Variants in MZF1 observed in about 807,000 individuals in gnomAD.
The protein encoded by MZF1 is myeloid zinc finger 1.
In MZF1, 24 loss-of-function variants were observed where a neutral mutation model predicts 28.6. The observed-to-expected ratio is 0.84, with a 90% CI of 0.61 to 1.18. The LOEUF (loss-of-function observed/expected upper bound fraction) is 1.18, where lower values mean the gene tolerates loss of function less well. Ranked by LOEUF, MZF1 falls within the 50% of genes most tolerant of loss-of-function variation. MZF1 has a pLI of 0.00. For synonymous variants in MZF1, 516 were observed against 432.5 expected, an observed-to-expected ratio of 1.19 and a Z score of -2.40; for missense variants, 1,166 against 1,026.4, an observed-to-expected ratio of 1.14 and a Z score of -1.86.
At chr19:58,563,542 G>A in intron 5 of MZF1, 38 bp from the exon 6 acceptor site, 2 of 1,462,244 alleles carry the variant, frequency 1.4e-6, no homozygotes, top group Non-Finnish European at 1.8e-6. Flanking sequence ...ATGACAGAAT[G>A]CCCACCGTGC....
chr19:58,570,924 G>C, intron 2 of MZF1, 70 bp downstream of exon 2: 1 of 1,487,474 alleles, frequency 6.7e-7, no homozygotes, highest in South Asian at 1.3e-5. Context: ...GCAAAGCGTG[G>C]TGCTGCCCAG....
chr19:58,571,344 C>T lies in MZF1; in HGVS notation c.46G>A (p.Asp16Asn), dbSNP rs756656050. 3.7e-6 allele frequency: 6 copies of T among 1,614,208 alleles called. No homozygotes were observed. Among genetic ancestry groups the T allele is most frequent in the South Asian group, 1.1e-5 (1 of 91,084 alleles). ...LGSPDRAPPEDEGPVMVKLED... is the reference protein window; with the variant it reads ...LGSPDRAPPENEGPVMVKLED... Reference sequence around the variant, plus strand: ...AGCTTCACCATGACAGGCCCCTCATCTTCTGGGGGTGCTCGGTCTGGGGAG... The same window carrying T: ...AGCTTCACCATGACAGGCCCCTCATTTTCTGGGGGTGCTCGGTCTGGGGAG... The change falls in exon 2 of 6, where the codon GAT (aspartate) becomes AAT (asparagine). Residue 16 changes from aspartate to asparagine, a missense_variant. Coordinates refer to ENST00000215057, the MANE Select transcript of MZF1 (RefSeq NM_198055.2).
chr19:58,570,920 C>T (rs893466209), intron 2 of MZF1, 74 bp downstream of exon 2: 17 of 1,466,806 alleles, frequency 1.2e-5, no homozygotes, highest in African/African-American at 5.6e-5. Context: ...TCTGGCAAAG[C>T]GTGGTGCTGC....
In MZF1 at chr19:58,562,391, T is replaced by G. The variant is rs1568674618; in HGVS notation, c.1886A>C (p.Glu629Ala). 1 of 1,609,582 alleles carries G rather than the reference T, an allele frequency of 6.2e-7. No individual in the cohort carries two copies. Among genetic ancestry groups the G allele is most frequent in the Non-Finnish European group, 8.5e-7 (1 of 1,178,410 alleles). Reference protein sequence around the residue: ...HTGEKPYHCGECGLGFTQVSR... With the variant: ...HTGEKPYHCGACGLGFTQVSR... Reference sequence around the variant, plus strand: ...GACCTGCGTGAAGCCCAGGCCGCACTCACCGCAGTGGTAGGGCTTTTCGCC... The same window carrying G: ...GACCTGCGTGAAGCCCAGGCCGCACGCACCGCAGTGGTAGGGCTTTTCGCC... The change falls in exon 6 of 6, where the codon GAG (glutamate) becomes GCG (alanine). Residue 629 changes from glutamate (E) to alanine (A), a missense_variant. Coordinates refer to ENST00000215057, the MANE Select transcript of MZF1 (RefSeq NM_198055.2).
chr19:58,572,252 T>G lies in MZF1; in HGVS notation c.-41+803A>C, dbSNP rs115435622. 7.5e-3 allele frequency among the ~76,000 whole-genome samples: 1,137 copies of G among 152,166 alleles called. 14 individuals carry two copies. The highest frequency in any genetic ancestry group is 0.025 in the African/African-American group (1,052 of 41,506). ...TGCTTGGAAGCCTCACTCCACCTAA[T>G]CCTCCATGTCAACCTGTGCAGTCAC... On this transcript the variant is annotated intron_variant, in intron 1 of 5. Transcript: ENST00000215057.
chr19:58,563,831 C>T (rs2053986881), intron 5 of MZF1: 2 of 229,586 alleles, frequency 8.7e-6, no homozygotes, highest in African/African-American at 2.3e-5. Context: ...TCAGCAAATG[C>T]AGGGAAGTGG....
chr19:58,572,840 C>T, intron 1 of MZF1: 1 of 315,782 alleles, frequency 3.2e-6, no homozygotes, highest in South Asian at 2.3e-5. Context: ...CCAGACGACG[C>T]CTAGGCAACC....
chr19:58,565,720 G>T (rs1277122302), intron 5 of MZF1, among the ~76,000 whole-genome samples: 1 of 149,754 alleles, frequency 6.7e-6, no homozygotes, highest in African/African-American at 2.5e-5. Flanking sequence ...TTTTAGTAGA[G>T]ACGGGGTTTC....
Position 58,571,022 on chromosome 19 carries a change from C to T in MZF1, c.368G>A (p.Arg123His), listed in dbSNP as rs1405571316. The change falls in exon 2 of 6, where the codon CGC becomes CAC. Residue 123 changes from arginine to histidine, a missense_variant. Arg to His is a conservative substitution (Grantham distance 29). Coordinates refer to ENST00000215057, the MANE Select transcript of MZF1 (RefSeq NM_198055.2). ...EEAAALVDGL[R>H]REPGGPRRWV... The stretch of plus-strand genomic sequence containing the variant: ...TCTCCGGGGTCCGCCCGGCTCCCGG[C>T]GCAGCCCATCTACTAGGGCAGCAGC... 5.6e-6 allele frequency: 9 copies of T among 1,610,540 alleles called. No individual in the cohort carries two copies. The highest frequency in any genetic ancestry group is 4.4e-5 in the South Asian group (4 of 90,978).
Position 58,571,113 on chromosome 19 carries a change from G to C in MZF1, c.277C>G (p.Leu93Val), listed in dbSNP as rs996380939. 6.2e-7 allele frequency: 1 copy of C among 1,614,044 alleles called. No homozygotes were observed. Among genetic ancestry groups the C allele is most frequent in the Non-Finnish European group, 8.5e-7 (1 of 1,180,020 alleles). Residue 93 changes from leucine to valine, a missense_variant, in exon 2 of 6, where the codon CTG becomes GTG. Physicochemically the swap from Leu to Val is conservative, Grantham distance 32. Coordinates refer to ENST00000215057, the MANE Select transcript of MZF1 (RefSeq NM_198055.2). ...MLELLVLEQF[L>V]GALPPEIQAR... The stretch of plus-strand genomic sequence containing the variant: ...TGGATCTCAGGGGGCAGTGCGCCCA[G>C]GAACTGCTCCAGCACCAACAGCTCC...
At position 58,562,660 on chromosome 19, in the gene MZF1, C is replaced by T; in HGVS notation, c.1617G>A (p.Arg539=). ...LQHRRVHSGE[R]PFACAECGQS... ...GGCCGCACTCGGCACAGGCGAAGGG[C>T]CGCTCGCCACTGTGCACGCGCCGGT... The change falls in exon 6 of 6, where the codon CGG becomes CGA. Residue 539 remains arginine, a synonymous_variant. Coordinates refer to ENST00000215057, the MANE Select transcript of MZF1 (RefSeq NM_198055.2). 2 of 1,544,538 alleles carry T rather than the reference C, an allele frequency of 1.3e-6. No individual in the cohort carries two copies. Among genetic ancestry groups the T allele is most frequent in the Non-Finnish European group, 1.7e-6 (2 of 1,151,064 alleles).
At chr19:58,570,314 C>A (rs373348019) in intron 3 of MZF1, 30 bp downstream of exon 3, 3 of 1,575,842 alleles carry the variant, frequency 1.9e-6, no homozygotes, top group Non-Finnish European at 2.6e-6. Flanking sequence ...CCAACCAGAC[C>A]TTAGGCGCGC....
rs775048815 is a variant in MZF1, at chr19:58,563,027, C to G, written c.1250G>C (p.Cys417Ser). Residue 417 changes from cysteine to serine, a missense_variant, in exon 6 of 6, where the codon TGT becomes TCT. Transcript: ENST00000215057. ...TEERPFVCGD[C>S]GQGFVRSARL... ...CGCGCTGCGCACGAAGCCCTGGCCA[C>G]AGTCGCCGCACACGAACGGCCGCTC... 2 of 1,602,078 alleles carry G rather than the reference C, an allele frequency of 1.2e-6. No homozygotes were observed. The highest frequency in any genetic ancestry group is 1.7e-6 in the Non-Finnish European group (2 of 1,179,664).
chr19:58,570,340 T>C lies in MZF1; in HGVS notation c.580+4A>G, dbSNP rs375352965. The C allele has an allele frequency of 6.6e-5, 106 of 1,607,696 alleles. No individual in the cohort carries two copies. Among genetic ancestry groups the C allele is most frequent in the Admixed American group, 2.5e-4 (15 of 59,276 alleles). ...TTAGGCGCGCCCACCGTGCATGCCC[T>C]CACCTGAGTCCTCTGTAACCTCTGA... is the stretch of plus-strand genomic sequence containing the variant. On this transcript the variant is annotated splice_donor_region_variant and intron_variant, in intron 3 of 5. Coordinates refer to ENST00000215057, the MANE Select transcript of MZF1 (RefSeq NM_198055.2).
chr19:58,563,945 T>C (rs929131270), intron 5 of MZF1: 4 of 157,914 alleles, frequency 2.5e-5, no homozygotes, highest in African/African-American at 9.7e-5. Flanking sequence ...CTGTGGGGCA[T>C]CTGAGGAACA....
rs2053956972 is a variant in MZF1 at position 58,562,767 on chromosome 19, G to A, written c.1510C>T (p.Gln504Ter). 3 of 1,535,522 alleles carry A rather than the reference G, an allele frequency of 2.0e-6. No homozygotes were observed. In the South Asian group the frequency reaches 3.6e-5, roughly 18 times the overall value. The change falls in exon 6 of 6, where the codon CAG (glutamine) becomes TAG (stop). Residue 504 changes from glutamine to a stop codon, truncating the protein, a stop_gained. Coordinates refer to ENST00000215057, the MANE Select transcript of MZF1 (RefSeq NM_198055.2). LOFTEE classifies it low-confidence loss of function (END_TRUNC). ...FARRAVLLEH[Q>*]AVHTGDKSFG... ...GACTTGTCGCCCGTGTGTACCGCCT[G>A]GTGCTCCAGCAGCACGGCGCGCCGC... is the stretch of plus-strand genomic sequence containing the variant.
chr19:58,562,820 G>T lies in MZF1; in HGVS notation c.1457C>A (p.Pro486Gln). 5 of 1,535,400 alleles carry T rather than the reference G, an allele frequency of 3.3e-6. No individual in the cohort carries two copies. Among genetic ancestry groups the T allele is most frequent in the South Asian group, 1.2e-5 (1 of 84,548 alleles). The change falls in exon 6 of 6, where the codon CCG becomes CAG. Residue 486 changes from proline to glutamine, a missense_variant. Pro to Gln is a moderately conservative substitution (Grantham distance 76, BLOSUM62 -1). Coordinates refer to ENST00000215057, the MANE Select transcript of MZF1 (RefSeq NM_198055.2). ...PGAPEPPGPF[P>Q]CSECRESFAR... is the part of the protein sequence containing the mutation. ...GAAGCTCTCGCGGCACTCGCTGCACGGAAAGGGGCCGGGAGGCTCGGGCGC... is the reference window on the plus strand; with the variant it reads ...GAAGCTCTCGCGGCACTCGCTGCACTGAAAGGGGCCGGGAGGCTCGGGCGC...
chr19:58,571,275 C>T lies in MZF1; in HGVS notation c.115G>A (p.Gly39Ser), dbSNP rs774773643. 2.5e-5 allele frequency: 41 copies of T among 1,613,464 alleles called. No homozygotes were observed. Among genetic ancestry groups the T allele is most frequent in the Non-Finnish European group, 3.4e-5 (40 of 1,179,752 alleles). Residue 39 changes from glycine to serine, a missense_variant, in exon 2 of 6, where the codon GGC (glycine) becomes AGC (serine). Gly to Ser is a moderately conservative substitution (Grantham distance 56). Coordinates refer to ENST00000215057, the MANE Select transcript of MZF1 (RefSeq NM_198055.2). ...EEGEAALWDPGPEAARLRFRC... is the reference protein window; with the variant it reads ...EEGEAALWDPSPEAARLRFRC... The stretch of plus-strand genomic sequence containing the variant: ...AAACGCAGGCGTGCAGCTTCAGGGC[C>T]TGGGTCCCATAAGGCAGCCTCACCC...
intron 5 of MZF1, among the ~76,000 whole-genome samples, chr19:58,565,322 G>A (rs1487253692): frequency 2.7e-5 from 4 of 147,964 alleles, no homozygotes; most frequent in East Asian, 3.9e-4. Context: ...TCGAACTCCC[G>A]ACCTCAGGTG....
Sources: allele counts gnomAD v4.1 joint callset (sites outside exome capture counted in the v4.1 genomes callset), GRCh38; gene constraint gnomAD v4.1.1; transcripts MANE v1.5; gene names NCBI Gene and HGNC (gene_info 2026-07-23, HGNC 2026-07-21).